The following DPP6 variants were observed in gnomAD, a reference collection of about 807,000 sequenced individuals.
DPP6 encodes A-type potassium channel modulatory protein DPP6.
DPP6 carries 69 observed loss-of-function variants against 122.6 expected under a neutral mutation model. The ratio of observed to expected loss-of-function variants is 0.56; its 90% CI spans 0.46 to 0.69. The LOEUF (loss-of-function observed/expected upper bound fraction) is 0.69, where lower values mean the gene tolerates loss of function less well. Ranked by LOEUF, DPP6 falls within the 30% of genes least tolerant of loss-of-function variation. The probability of loss-of-function intolerance (pLI) is 0.00; values close to 1 mark genes in which losing one functional copy is unlikely to be tolerated. For synonymous variants in DPP6, 418 were observed against 433.1 expected (o/e 0.97, Z 0.43); for missense variants, 928 against 1,116.9 (o/e 0.83, Z 2.41).
intron 10 of DPP6, among the ~76,000 whole-genome samples, chr7:154,781,257 G>A (rs1209042201): frequency 1.3e-5 from 2 of 152,104 alleles, no homozygotes; most frequent in African/African-American, 2.4e-5. Flanking sequence ...ATGAATGGCT[G>A]GGAAAAGGAC....
intron 1 of DPP6, among the ~76,000 whole-genome samples, chr7:154,373,917 T>C (rs1194801583): frequency 6.6e-6 from 1 of 152,224 alleles, no homozygotes; most frequent in Non-Finnish European, 1.5e-5. Context: ...CCGTGTAGCA[T>C]AACATCCTCC....
chr7:154,265,087 G>C (rs1803324592), intron 1 of DPP6, among the ~76,000 whole-genome samples: 1 of 152,212 alleles, frequency 6.6e-6, no homozygotes, highest in African/African-American at 2.4e-5. Flanking sequence ...TGATGATGGT[G>C]ATGATGATGG....
intron 7 of DPP6, among the ~76,000 whole-genome samples, chr7:154,705,692 G>A (rs567146745): frequency 1.3e-5 from 2 of 152,364 alleles, no homozygotes; most frequent in East Asian, 3.9e-4. Flanking sequence ...CAGCCCCTGA[G>A]TCACAGGCAT....
chr7:154,297,940 G>A (rs1805650229), intron 1 of DPP6, among the ~76,000 whole-genome samples: 1 of 152,160 alleles, frequency 6.6e-6, no homozygotes, highest in Admixed American at 6.5e-5. Flanking sequence ...GCTTGGCTAG[G>A]CCACGGTACC....
At chr7:154,211,752 T>C (rs4302768) in intron 1 of DPP6, among the ~76,000 whole-genome samples, 120,618 of 151,906 alleles carry the variant, frequency 0.79, 48,107 homozygotes, top group Middle Eastern at 0.84. Flanking sequence ...GTCACCAAGT[T>C]GCCATCCGGG....
chr7:154,117,686 G>A (rs1474880264), intron 1 of DPP6, among the ~76,000 whole-genome samples: 1 of 152,120 alleles, frequency 6.6e-6, no homozygotes, highest in East Asian at 1.9e-4. Context: ...GAGATTCATC[G>A]TAGAGACTGC....
At chr7:154,633,479 AC>A (rs1835530988) in intron 5 of DPP6, among the ~76,000 whole-genome samples, 1 of 151,880 alleles carries the variant, frequency 6.6e-6, no homozygotes, top group Non-Finnish European at 1.5e-5. Context: ...CAGGTGATCC[AC>A]CCGCCTCAGC....
chr7:154,575,236 GTGT>G (rs1331293719), intron 5 of DPP6, among the ~76,000 whole-genome samples: 1 of 123,760 alleles, frequency 8.1e-6, no homozygotes, highest in Non-Finnish European at 1.7e-5. Context: ...TGTGTGTGTG[GTGT>G]TTGTGTGGTG....
intron 7 of DPP6, among the ~76,000 whole-genome samples, chr7:154,701,192 C>A (rs1840505065): frequency 6.6e-6 from 1 of 152,118 alleles, no homozygotes; most frequent in African/African-American, 2.4e-5. Context: ...GAGGAACCAG[C>A]CAGAGCTCTT....
the DPP6 span, among the ~76,000 whole-genome samples, chr7:153,829,139 A>G: frequency 6.6e-6 from 1 of 152,228 alleles, no homozygotes; most frequent in Non-Finnish European, 1.5e-5. Context: ...AGAACCTTCA[A>G]GCAAATTATT....
At chr7:154,076,158 T>A (rs1803533927) in intron 1 of DPP6, among the ~76,000 whole-genome samples, 1 of 152,108 alleles carries the variant, frequency 6.6e-6, no homozygotes, top group African/African-American at 2.4e-5. Flanking sequence ...ATATTTTTTT[T>A]TAAAAAAAAG....
At chr7:154,089,125 T>C (rs771285380) in intron 1 of DPP6, among the ~76,000 whole-genome samples, 10 of 152,178 alleles carry the variant, frequency 6.6e-5, no homozygotes, top group East Asian at 1.9e-4. Context: ...AGAAGCAGAA[T>C]TGGATTTCTC....
rs1458565663 is a variant in DPP6 at position 154,062,071 on chromosome 7, C to A, written c.243+9008C>A. Reference sequence around the variant, plus strand: ...ACTGACAGCCAGCCCCTGGTTCCCCCACTGGCTCTTAGGACCCCCATCGCA... The same window carrying A: ...ACTGACAGCCAGCCCCTGGTTCCCCAACTGGCTCTTAGGACCCCCATCGCA... On this transcript the variant is annotated intron_variant, in intron 1 of 25. Coordinates refer to ENST00000377770, the MANE Select transcript of DPP6 (RefSeq NM_130797.4). 2.6e-5 allele frequency among the ~76,000 whole-genome samples: 3 copies of A among 115,288 alleles called. 1 individual carries two copies. Among genetic ancestry groups the A allele is most frequent in the Non-Finnish European group, 5.7e-5 (3 of 52,946 alleles). 75.6% of individuals were successfully genotyped at this position (115,288 alleles called of 152,430 possible).
chr7:154,497,748 G>A (rs1413887881), intron 3 of DPP6, among the ~76,000 whole-genome samples: 1 of 152,100 alleles, frequency 6.6e-6, no homozygotes, highest in Non-Finnish European at 1.5e-5. Flanking sequence ...AAATTGGCAT[G>A]CATTTCCTGA....
At chr7:154,676,262 ATGGG>A in intron 7 of DPP6, among the ~76,000 whole-genome samples, 1 of 147,034 alleles carries the variant, frequency 6.8e-6, no homozygotes, top group Non-Finnish European at 1.5e-5. Context: ...GGCTGCGGCC[ATGGG>A]GCGTGCTGTC....
intron 1 of DPP6, among the ~76,000 whole-genome samples, chr7:153,906,869 G>T (rs942748407): frequency 6.6e-6 from 1 of 152,186 alleles, no homozygotes; most frequent in Non-Finnish European, 1.5e-5. Flanking sequence ...ATTCCATCGT[G>T]TATACGTACC....
chr7:154,075,275 A>G (rs1803475294), intron 1 of DPP6, among the ~76,000 whole-genome samples: 1 of 152,064 alleles, frequency 6.6e-6, no homozygotes, highest in African/African-American at 2.4e-5. Flanking sequence ...AAGTAGATCT[A>G]CCATTTGATC....
chr7:153,994,806 A>G (rs561604175), intron 1 of DPP6, among the ~76,000 whole-genome samples: 35 of 152,266 alleles, frequency 2.3e-4, no homozygotes, highest in Middle Eastern at 3.4e-3. Flanking sequence ...TGCCTATGAA[A>G]GACTAAAATT....
chr7:153,823,006 T>C, the DPP6 span, among the ~76,000 whole-genome samples: 9 of 152,130 alleles, frequency 5.9e-5, no homozygotes, highest in African/African-American at 1.9e-4. Flanking sequence ...CTCAAGTGCA[T>C]TTTCAAAGGT....
Sources: allele counts gnomAD v4.1 joint callset (sites outside exome capture counted in the v4.1 genomes callset), GRCh38; gene constraint gnomAD v4.1.1; transcripts MANE v1.5; gene names NCBI Gene and HGNC (gene_info 2026-07-23, HGNC 2026-07-21).